IGFL2: variants seen among roughly 807,000 people sequenced by gnomAD.
IGFL2 encodes the protein insulin growth factor-like family member 2.
Under a neutral mutation model 13.9 loss-of-function variants are expected in IGFL2, and 7 were observed. That is an observed-to-expected ratio of 0.51 (90% CI 0.29 to 0.95). The LOEUF is 0.95. IGFL2 is among the 40% of genes least tolerant of loss of function. The pLI is 0.08. For missense variants in IGFL2, 138 were observed against 147.8 expected, an observed-to-expected ratio of 0.93 and a Z score of 0.34; for synonymous variants, 55 against 55.8, an observed-to-expected ratio of 0.99 and a Z score of 0.07.
intron 1 of IGFL2, among the ~76,000 whole-genome samples, chr19:46,153,948 G>C (rs1185601734): frequency 4.6e-5 from 7 of 151,636 alleles, no homozygotes; most frequent in Non-Finnish European, 7.4e-5. Flanking sequence ...TTTAAGCCCC[G>C]CATGCATTAG....
chr19:46,103,498 T>C, the IGFL2 span, among the ~76,000 whole-genome samples: 3 of 152,106 alleles, frequency 2.0e-5, no homozygotes, highest in African/African-American at 4.8e-5. Context: ...GAGTGTGCCC[T>C]GTGAGCAAAG....
chr19:46,118,155 TTTAACA>T, the IGFL2 span, among the ~76,000 whole-genome samples: 1 of 152,102 alleles, frequency 6.6e-6, no homozygotes, highest in Non-Finnish European at 1.5e-5. Flanking sequence ...CATAAATGTC[TTTAACA>T]TTAAACCACC....
chr19:46,107,294 C>T, the IGFL2 span, among the ~76,000 whole-genome samples: 2,825 of 152,144 alleles, frequency 0.019, 44 homozygotes, highest in Middle Eastern at 0.045. Flanking sequence ...CCAAGGTGAT[C>T]GGGCAGCGTC....
chr19:46,146,119 C>T (rs1973123975), upstream of IGFL2, among the ~76,000 whole-genome samples: 1 of 150,400 alleles, frequency 6.6e-6, no homozygotes, highest in Non-Finnish European at 1.5e-5. Context: ...TTGGAGTTAA[C>T]TTTTGTATAG....
chr19:46,125,624 AG>A, the IGFL2 span, among the ~76,000 whole-genome samples: 2 of 152,228 alleles, frequency 1.3e-5, no homozygotes, highest in African/African-American at 4.8e-5. Flanking sequence ...TGCTGACTTA[AG>A]TTCATCCAGC....
the IGFL2 span, among the ~76,000 whole-genome samples, chr19:46,122,007 A>G: frequency 6.6e-6 from 1 of 151,234 alleles, no homozygotes; most frequent in Non-Finnish European, 1.5e-5. Context: ...CCTTTATGCA[A>G]ATGACTTCAT....
chr19:46,093,790 C>G, the IGFL2 span, among the ~76,000 whole-genome samples: 1 of 152,080 alleles, frequency 6.6e-6, no homozygotes, highest in African/African-American at 2.4e-5. Context: ...CACTGTCTGT[C>G]TGTTTGAACA....
At chr19:46,108,762 A>G in the IGFL2 span, among the ~76,000 whole-genome samples, 2 of 152,206 alleles carry the variant, frequency 1.3e-5, no homozygotes, top group Non-Finnish European at 2.9e-5. Flanking sequence ...CCCCACAGTG[A>G]TTAAACACCA....
At chr19:46,182,832 T>A in the IGFL2 span, among the ~76,000 whole-genome samples, 1 of 152,116 alleles carries the variant, frequency 6.6e-6, no homozygotes, top group African/African-American at 2.4e-5. Flanking sequence ...ACTCCTGCCC[T>A]CTGTCTTGTG....
chr19:46,109,481 A>T, the IGFL2 span, among the ~76,000 whole-genome samples: 7 of 151,460 alleles, frequency 4.6e-5, no homozygotes, highest in East Asian at 1.9e-4. Context: ...CACCCAGCTA[A>T]TTTTTTTTGT....
At chr19:46,160,265 CAGTT>C (rs1391946552) in intron 1 of IGFL2, 146 bp from the exon 2 acceptor site, 1 of 670,874 alleles carries the variant, frequency 1.5e-6, no homozygotes, top group East Asian at 2.7e-5. Flanking sequence ...TTAACTGTGT[CAGTT>C]AGATCCTATG....
the IGFL2 span, among the ~76,000 whole-genome samples, chr19:46,132,726 A>C: frequency 6.7e-6 from 1 of 149,378 alleles, no homozygotes; most frequent in African/African-American, 2.5e-5. Flanking sequence ...AAAGGGAGGG[A>C]GAGGGAGAGG....
the IGFL2 span, among the ~76,000 whole-genome samples, chr19:46,079,506 G>A: frequency 6.6e-6 from 1 of 152,158 alleles, no homozygotes; most frequent in East Asian, 1.9e-4. Flanking sequence ...GCCCGAATGA[G>A]ACCCAAGTCA....
chr19:46,139,498 A>G (rs1972762131), upstream of IGFL2, among the ~76,000 whole-genome samples: 1 of 152,138 alleles, frequency 6.6e-6, no homozygotes, highest in African/African-American at 2.4e-5. Flanking sequence ...ACATCATGCA[A>G]ACACTAGCAA....
upstream of IGFL2, among the ~76,000 whole-genome samples, chr19:46,146,029 A>T (rs1029660283): frequency 6.6e-6 from 1 of 152,112 alleles, no homozygotes; most frequent in Non-Finnish European, 1.5e-5. Context: ...AATGCTTTTG[A>T]TGTCTTTTCC....
downstream of IGFL2, among the ~76,000 whole-genome samples, chr19:46,163,706 C>A (rs1264292251): frequency 6.6e-6 from 1 of 152,154 alleles, no homozygotes; most frequent in Non-Finnish European, 1.5e-5. Context: ...ATAGCTCTGG[C>A]AGGGGGTGGC....
At chr19:46,145,632 G>GTA (rs1314111171), upstream of IGFL2, among the ~76,000 whole-genome samples, 3 of 148,532 alleles carry the variant, frequency 2.0e-5, no homozygotes, top group Non-Finnish European at 3.0e-5. Context: ...GTGTGTGTGT[G>GTA]TGTATTTATT....
the IGFL2 span, chr19:46,113,434 T>C: frequency 2.5e-6 from 1 of 397,622 alleles, no homozygotes; most frequent in South Asian, 1.9e-5. Context: ...ACTGAACAAA[T>C]GGAATCCACG....
the IGFL2 span, among the ~76,000 whole-genome samples, chr19:46,187,277 G>T: frequency 6.6e-6 from 1 of 150,488 alleles, no homozygotes; most frequent in Non-Finnish European, 1.5e-5. Flanking sequence ...ATCAGAGATG[G>T]TGAGCATTTA....
Sources: allele counts gnomAD v4.1 joint callset (sites outside exome capture counted in the v4.1 genomes callset), GRCh38; gene constraint gnomAD v4.1.1; transcripts MANE v1.5; gene names NCBI Gene and HGNC (gene_info 2026-07-23, HGNC 2026-07-21).